Variants in PCDHGA4 observed in about 807,000 individuals in gnomAD.
The protein encoded by PCDHGA4 is protocadherin gamma-A4.
Under a neutral mutation model 54.6 loss-of-function variants are expected in PCDHGA4, and 38 were observed. The observed-to-expected ratio is 0.70, with a 90% CI of 0.54 to 0.91. The LOEUF (loss-of-function observed/expected upper bound fraction) is 0.91, where lower values mean the gene tolerates loss of function less well. Among genes scored for constraint, PCDHGA4 ranks in the 40% least tolerant of loss-of-function variants. PCDHGA4 has a pLI of 0.00. For synonymous variants in PCDHGA4, 511 were observed against 512.9 expected (o/e 1.00, Z 0.05); for missense variants, 1,298 against 1,220.9 (o/e 1.06, Z -0.94).
In PCDHGA4 at chr5:141,493,482, G is replaced by T. The variant is rs184736387; in HGVS notation, c.2515-1325G>T. The stretch of plus-strand genomic sequence containing the variant: ...TTTTAGGACCTTACATGTGGGGAAA[G>T]TCTTCTGTGGCTCCTCATTTCTGAG... On this transcript the variant is annotated intron_variant, in intron 1 of 3. Coordinates refer to ENST00000571252, the MANE Select transcript of PCDHGA4 (RefSeq NM_018917.4). The surrounding 1 kb of genome is among the most constrained non-coding windows in gnomAD (Gnocchi z 4.3). 6.6e-6 allele frequency among the ~76,000 whole-genome samples: 1 copy of T among 152,206 alleles called. No individual in the cohort carries two copies. Among genetic ancestry groups the T allele is most frequent in the Admixed American group, 6.5e-5 (1 of 15,282 alleles).
intron 1 of PCDHGA4, chr5:141,393,129 A>T (rs2150509668): frequency 1.2e-6 from 2 of 1,613,426 alleles, no homozygotes; most frequent in Non-Finnish European, 1.7e-6. Flanking sequence ...TCTGATAAAT[A>T]TTAACACCCT....
intron 1 of PCDHGA4, among the ~76,000 whole-genome samples, chr5:141,465,041 C>T (rs2099095802): frequency 6.6e-6 from 1 of 151,856 alleles, no homozygotes; most frequent in Non-Finnish European, 1.5e-5. Flanking sequence ...CACAAATGAC[C>T]CTATATATTT....
At position 141,432,627 on chromosome 5, in the gene PCDHGA4, C is replaced by A. The variant is rs886117102; in HGVS notation, c.2515-62180C>A. 1 of 1,613,652 alleles carries A rather than the reference C, an allele frequency of 6.2e-7. No homozygotes were observed. The highest frequency in any genetic ancestry group is 8.5e-7 in the Non-Finnish European group (1 of 1,179,952). On this transcript the variant is annotated intron_variant, in intron 1 of 3. Transcript: ENST00000571252. This position sits in a 1 kb window ranked among gnomAD's most constrained non-coding sequence, Gnocchi z 6.0. ...GGACTCTTCTCGGTGGGTCTGCACA[C>A]GGGCGAGGTGCGCACGGCGCGAGCC...
intron 1 of PCDHGA4, chr5:141,419,239 C>T (rs374093302): frequency 3.7e-6 from 6 of 1,614,008 alleles, no homozygotes; most frequent in East Asian, 2.2e-5. Context: ...ACCTGGTCCA[C>T]GTGCCAGAAA....
chr5:141,358,784 C>A (rs7722108), intron 1 of PCDHGA4, among the ~76,000 whole-genome samples: 8,101 of 152,166 alleles, frequency 0.053, 457 homozygotes, highest in African/African-American at 0.15. Flanking sequence ...GGTTGAGTTA[C>A]TTGGGTTCTG....
chr5:141,457,417 CTTTT>C (rs894846890), intron 1 of PCDHGA4, among the ~76,000 whole-genome samples: 4 of 152,180 alleles, frequency 2.6e-5, no homozygotes, highest in Admixed American at 2.6e-4. Context: ...TTACCCATCC[CTTTT>C]TCCCCCCCAC....
rs2099883748 is a variant in PCDHGA4 at position 141,511,359 on chromosome 5, T to A, written c.*186T>A. On this transcript the variant is annotated 3_prime_UTR_variant, in exon 4 of 4. Transcript: ENST00000571252. ...CACCTACCCCTTCCCCCCCAGGGGGTTGAATATGCAAAAGCAGTTCCGCTG... is the reference window on the plus strand; with the variant it reads ...CACCTACCCCTTCCCCCCCAGGGGGATGAATATGCAAAAGCAGTTCCGCTG... 2 of 1,339,338 alleles carry A rather than the reference T, an allele frequency of 1.5e-6. No individual in the cohort carries two copies. Among genetic ancestry groups the A allele is most frequent in the Non-Finnish European group, 2.0e-6 (2 of 1,000,492 alleles). The allele number at this position is 1,339,338 out of a possible 1,614,324, so 83.0% of individuals were successfully genotyped here. A position where few individuals can be genotyped will look rare whatever the true frequency, so the allele number is the denominator to read the frequency against.
intron 1 of PCDHGA4, chr5:141,385,051 C>A (rs1222079447): frequency 6.2e-7 from 1 of 1,614,154 alleles, no homozygotes; most frequent in East Asian, 2.2e-5. Flanking sequence ...CAGGCTGCGG[C>A]GCTGGCACAA....
At chr5:141,442,947 C>T (rs185574624) in intron 1 of PCDHGA4, among the ~76,000 whole-genome samples, 92 of 152,282 alleles carry the variant, frequency 6.0e-4, no homozygotes, top group African/African-American at 1.7e-3. Flanking sequence ...AACTTCCTCT[C>T]ACTGCAAAAA....
chr5:141,489,040 C>G lies in PCDHGA4; in HGVS notation c.2515-5767C>G. On this transcript the variant is annotated intron_variant, in intron 1 of 3. Coordinates refer to ENST00000571252, the MANE Select transcript of PCDHGA4 (RefSeq NM_018917.4). This position sits in a 1 kb window ranked among gnomAD's most constrained non-coding sequence, Gnocchi z 4.5. ...CCTCTCCTCCTCCAGCTCCCCAGCT[C>G]CACTCAAATTCAGCTCCCCTCCCCC... 1 of 479,752 alleles carries G rather than the reference C, an allele frequency of 2.1e-6. No homozygotes were observed. The highest frequency in any genetic ancestry group is 3.6e-6 in the Non-Finnish European group (1 of 274,204). 29.7% of individuals were successfully genotyped at this position (479,752 alleles called of 1,614,324 possible). A position where few individuals can be genotyped will look rare whatever the true frequency, so the allele number is the denominator to read the frequency against.
At chr5:141,474,106 A>G (rs1334111464) in intron 1 of PCDHGA4, among the ~76,000 whole-genome samples, 1 of 152,108 alleles carries the variant, frequency 6.6e-6, no homozygotes, top group African/African-American at 2.4e-5. Flanking sequence ...CAACAAAAAC[A>G]ACAACAACGA....
At chr5:141,393,876 C>A in intron 1 of PCDHGA4, 1 of 1,613,862 alleles carries the variant, frequency 6.2e-7, no homozygotes, top group Non-Finnish European at 8.5e-7. Context: ...TTTGTTTAGC[C>A]CAGTGTTAGA....
rs761720184 is a variant in PCDHGA4 at position 141,364,947 on chromosome 5, C to A, written c.2514+7326C>A. On this transcript the variant is annotated intron_variant, in intron 1 of 3. Coordinates refer to ENST00000571252, the MANE Select transcript of PCDHGA4 (RefSeq NM_018917.4). ...CAGCCCCTAGACCGCGAGAAAGAGA[C>A]TGTTCACGACCTCCTCCTCACAGCT... 3 of 1,613,826 alleles carry A rather than the reference C, an allele frequency of 1.9e-6. No homozygotes were observed. Among genetic ancestry groups the A allele is most frequent in the African/African-American group, 1.3e-5 (1 of 74,916 alleles).
In PCDHGA4 at chr5:141,362,410, C is replaced by T. The variant is rs374650665; in HGVS notation, c.2514+4789C>T. The stretch of plus-strand genomic sequence containing the variant: ...TTCCTACAACCTGTGTGTTGCCTCA[C>T]AATCAGCCAAGACAGAGTTCAATTT... On this transcript the variant is annotated intron_variant, in intron 1 of 3. Coordinates refer to ENST00000571252, the MANE Select transcript of PCDHGA4 (RefSeq NM_018917.4). 2.5e-6 allele frequency: 4 copies of T among 1,613,916 alleles called. No individual in the cohort carries two copies. The African/African-American group carries it at 5.3e-5, about 22-fold the overall frequency.
At chr5:141,460,977 G>A in intron 1 of PCDHGA4, among the ~76,000 whole-genome samples, 1 of 131,518 alleles carries the variant, frequency 7.6e-6, no homozygotes, top group African/African-American at 3.4e-5. Context: ...GTGTGTGTGT[G>A]TGTGTGTATA....
intron 1 of PCDHGA4, chr5:141,409,193 TGTAAA>T (rs2095239502): frequency 1.2e-6 from 2 of 1,613,988 alleles, no homozygotes; most frequent in African/African-American, 1.3e-5. Context: ...CTCTACCCAG[TGTAAA>T]GTAATCATAG....
chr5:141,366,824 C>T, intron 1 of PCDHGA4: 1 of 1,535,428 alleles, frequency 6.5e-7, no homozygotes, highest in Non-Finnish European at 8.8e-7. Context: ...CTGTCATATT[C>T]AGAATCAGCT....
chr5:141,479,269 A>C (rs1279389471), intron 1 of PCDHGA4: 1 of 152,374 alleles, frequency 6.6e-6, no homozygotes, highest in Non-Finnish European at 1.5e-5. Context: ...TAAAAGTAAT[A>C]ATTTATTTCA....
intron 1 of PCDHGA4, chr5:141,423,522 G>A: frequency 6.2e-7 from 1 of 1,613,850 alleles, no homozygotes; most frequent in South Asian, 1.1e-5. Context: ...CGGACTCGCA[G>A]AAGAGTCACC....
Sources: allele counts gnomAD v4.1 joint callset (sites outside exome capture counted in the v4.1 genomes callset), GRCh38; gene constraint gnomAD v4.1.1; non-coding constraint Gnocchi (gnomAD v3.1); transcripts MANE v1.5; gene names NCBI Gene and HGNC (gene_info 2026-07-23, HGNC 2026-07-21).